Variants in CCSER1 observed in about 807,000 individuals in gnomAD.
CCSER1 encodes serine-rich coiled-coil domain-containing protein 1.
Under a neutral mutation model 82.0 loss-of-function variants are expected in CCSER1, and 41 were observed. That is an observed-to-expected ratio of 0.50 (90% confidence interval 0.39 to 0.65). The LOEUF (loss-of-function observed/expected upper bound fraction) is 0.65. Ranked by LOEUF, CCSER1 falls within the 30% of genes least tolerant of loss-of-function variation. The pLI is 0.00. For synonymous variants in CCSER1, 414 were observed against 383.9 expected, an observed-to-expected ratio of 1.08 and a Z score of -0.92; for missense variants, 1,119 against 1,064.2, an observed-to-expected ratio of 1.05 and a Z score of -0.72.
At chr4:90,378,751 G>C (rs1748750366) in intron 3 of CCSER1, among the ~76,000 whole-genome samples, 1 of 152,084 alleles carries the variant, frequency 6.6e-6, no homozygotes, top group Non-Finnish European at 1.5e-5. Context: ...TAGTTGTTTA[G>C]GTTATTATTT....
chr4:91,042,571 T>G (rs985480572), intron 9 of CCSER1, among the ~76,000 whole-genome samples: 9 of 152,218 alleles, frequency 5.9e-5, no homozygotes, highest in Non-Finnish European at 1.0e-4. Context: ...GTAATTCTGG[T>G]CTTTCACTAA....
chr4:90,716,112 G>A (rs910442011), intron 6 of CCSER1, among the ~76,000 whole-genome samples: 1 of 151,164 alleles, frequency 6.6e-6, no homozygotes, highest in Admixed American at 6.6e-5. Context: ...AAATATTTGT[G>A]TATATTTTTC....
At chr4:91,575,898 C>T (rs77458089) in intron 10 of CCSER1, among the ~76,000 whole-genome samples, 2,532 of 151,664 alleles carry the variant, frequency 0.017, 73 homozygotes, top group African/African-American at 0.058. Context: ...ATATATGGTT[C>T]ATGAAAATAT....
Position 91,456,944 on chromosome 4 carries a change from G to A in CCSER1, c.2218-141628G>A, listed in dbSNP as rs140248307. Among the ~76,000 whole-genome samples, 95 of 151,904 alleles carry A rather than the reference G, an allele frequency of 6.3e-4. No homozygotes were observed. In the East Asian group the frequency reaches 8.7e-3, roughly 14 times the overall value. ...ATTTATTGGCCTGAGTAATTCTTTC[G>A]TGTCATATACCTGTATCATAATCCC... On this transcript the variant is annotated intron_variant, in intron 10 of 10. Coordinates refer to ENST00000509176, the MANE Select transcript of CCSER1 (RefSeq NM_001145065.2).
chr4:90,724,557 T>C, intron 7 of CCSER1: 1 of 233,150 alleles, frequency 4.3e-6, no homozygotes, highest in Middle Eastern at 4.7e-4. Context: ...ATACGAAGTC[T>C]TGTTTTGCCA....
At chr4:90,659,843 T>A (rs922749694) in intron 6 of CCSER1, among the ~76,000 whole-genome samples, 5 of 152,086 alleles carry the variant, frequency 3.3e-5, no homozygotes, top group African/African-American at 1.2e-4. Context: ...AGATATCCCA[T>A]TGTGGCTTTA....
rs762981176 is a variant in CCSER1 at position 90,308,434 on chromosome 4, C to T, written c.150C>T (p.Asn50=). ...ACAGTTCCTCTCCTTCCAGCACTAACTCAAGCTCAGGTAGCACAGGTAAAC... is the reference window on the plus strand; with the variant it reads ...ACAGTTCCTCTCCTTCCAGCACTAATTCAAGCTCAGGTAGCACAGGTAAAC... ...GVHSSSPSST[N]SSSGSTGKRR... Residue 50 remains asparagine (N), a synonymous_variant, in exon 2 of 11, where the codon AAC becomes AAT. Coordinates refer to ENST00000509176, the MANE Select transcript of CCSER1 (RefSeq NM_001145065.2). 13 of 1,613,860 alleles carry T rather than the reference C, an allele frequency of 8.1e-6. No homozygotes were observed. The highest frequency in any genetic ancestry group is 1.0e-5 in the Non-Finnish European group (12 of 1,179,832).
chr4:90,339,070 G>A (rs114307322), intron 3 of CCSER1, among the ~76,000 whole-genome samples: 3,353 of 152,168 alleles, frequency 0.022, 50 homozygotes, highest in South Asian at 0.045. Context: ...TATTTATAGC[G>A]TTTACAAGAT....
intron 9 of CCSER1, among the ~76,000 whole-genome samples, chr4:90,955,124 T>C (rs1733303690): frequency 6.6e-6 from 1 of 152,226 alleles, no homozygotes; most frequent in Non-Finnish European, 1.5e-5. Flanking sequence ...TTATTCTGTT[T>C]CCCCATTTGA....
intron 9 of CCSER1, among the ~76,000 whole-genome samples, chr4:90,958,608 T>G (rs1483805295): frequency 6.6e-6 from 1 of 152,106 alleles, no homozygotes; most frequent in East Asian, 1.9e-4. Context: ...GAGACAGGTC[T>G]TGTAGTCTCG....
intron 10 of CCSER1, among the ~76,000 whole-genome samples, chr4:91,373,841 G>C (rs1025436960): frequency 1.3e-5 from 2 of 152,116 alleles, no homozygotes; most frequent in African/African-American, 4.8e-5. Context: ...CGTTCTTAGA[G>C]GAAATTAAAA....
intron 8 of CCSER1, among the ~76,000 whole-genome samples, chr4:90,864,175 A>T (rs1455179311): frequency 2.6e-5 from 4 of 151,812 alleles, no homozygotes; most frequent in African/African-American, 4.8e-5. Flanking sequence ...CTTGCTTGAC[A>T]ACCCACATCC....
chr4:90,176,470 A>G (rs1161695518), intron 1 of CCSER1, among the ~76,000 whole-genome samples: 6 of 152,052 alleles, frequency 3.9e-5, no homozygotes, highest in Admixed American at 2.6e-4. Flanking sequence ...TACTGGAAAC[A>G]GTATTGAACA....
chr4:90,138,909 G>A (rs1208563485), intron 1 of CCSER1, among the ~76,000 whole-genome samples: 2 of 152,150 alleles, frequency 1.3e-5, no homozygotes, highest in Non-Finnish European at 2.9e-5. Flanking sequence ...GGTCATGTGA[G>A]GCTGTCAGAA....
intron 1 of CCSER1, among the ~76,000 whole-genome samples, chr4:90,171,020 G>A (rs1360416795): frequency 6.6e-6 from 1 of 151,692 alleles, no homozygotes; most frequent in African/African-American, 2.4e-5. Flanking sequence ...CTCAAAGACA[G>A]GATAAATGCT....
intron 10 of CCSER1, among the ~76,000 whole-genome samples, chr4:91,092,212 G>C (rs1473584984): frequency 6.6e-6 from 1 of 152,184 alleles, no homozygotes; most frequent in Non-Finnish European, 1.5e-5. Context: ...TTCCAAGTGA[G>C]TCCCAATACC....
chr4:90,880,054 G>A (rs1382634865), intron 8 of CCSER1, among the ~76,000 whole-genome samples: 2 of 152,106 alleles, frequency 1.3e-5, no homozygotes, highest in African/African-American at 4.8e-5. Context: ...TAGGCATACT[G>A]GTCAGCTGGT....
At chr4:90,482,160 G>T (rs540921180) in intron 5 of CCSER1, among the ~76,000 whole-genome samples, 12 of 152,330 alleles carry the variant, frequency 7.9e-5, no homozygotes, top group African/African-American at 2.9e-4. Context: ...TATTTGTGTA[G>T]AGGTGTTTCT....
At chr4:91,334,514 A>C (rs931479659) in intron 10 of CCSER1, among the ~76,000 whole-genome samples, 2 of 152,042 alleles carry the variant, frequency 1.3e-5, no homozygotes, top group African/African-American at 4.8e-5. Context: ...CATTGTAATA[A>C]GGTAGAGAAA....
Sources: gnomAD v4.1 joint callset for allele counts (sites outside exome capture counted in the v4.1 genomes callset) on GRCh38, gnomAD v4.1.1 for gene constraint, MANE v1.5 for transcripts, NCBI Gene and HGNC (gene_info 2026-07-23, HGNC 2026-07-21) for gene names.